Variants in TSPAN18 observed in about 807,000 individuals in gnomAD.
TSPAN18 encodes tetraspanin 18.
TSPAN18 carries 14 observed loss-of-function variants against 27.3 expected under a neutral mutation model. That is an observed-to-expected ratio of 0.51 (90% CI 0.34 to 0.80). The LOEUF (loss-of-function observed/expected upper bound fraction) is 0.80. TSPAN18 is among the 30% of genes least tolerant of loss of function. The probability of loss-of-function intolerance (pLI) is 0.01; values close to 1 mark genes in which losing one functional copy is unlikely to be tolerated. For missense variants in TSPAN18, 268 were observed against 323.9 expected, an observed-to-expected ratio of 0.83 and a Z score of 1.32; for synonymous variants, 143 against 136.5, an observed-to-expected ratio of 1.05 and a Z score of -0.33.
At chr11:44,740,246 C>G (rs137900971) in intron 1 of TSPAN18, among the ~76,000 whole-genome samples, 1 of 152,270 alleles carries the variant, frequency 6.6e-6, no homozygotes, top group South Asian at 2.1e-4. Flanking sequence ...GCCCTTGGGA[C>G]CCTTTGGGGA....
intron 1 of TSPAN18, among the ~76,000 whole-genome samples, chr11:44,735,011 G>A (rs1291524656): frequency 6.6e-6 from 1 of 152,242 alleles, no homozygotes; most frequent in Admixed American, 6.5e-5. Flanking sequence ...AGCTGGGCAG[G>A]CTGGACACGG....
chr11:44,908,815 G>GAA (rs767467712), intron 4 of TSPAN18, among the ~76,000 whole-genome samples: 1 of 115,184 alleles, frequency 8.7e-6, no homozygotes, highest in African/African-American at 3.5e-5. Context: ...AAGAAAGAAA[G>GAA]AAAGAAAGAA....
At chr11:44,732,851 A>C (rs894554644) in intron 1 of TSPAN18, among the ~76,000 whole-genome samples, 6 of 152,192 alleles carry the variant, frequency 3.9e-5, no homozygotes, top group Admixed American at 3.3e-4. Flanking sequence ...GATGACTCTA[A>C]AATCTCAGTG....
chr11:44,797,612 G>T (rs1475247769), intron 2 of TSPAN18, among the ~76,000 whole-genome samples: 1 of 152,134 alleles, frequency 6.6e-6, no homozygotes, highest in Non-Finnish European at 1.5e-5. Context: ...CGCCTCCTTG[G>T]TGAGACTCAA....
chr11:44,887,265 G>A (rs919336247), intron 3 of TSPAN18, among the ~76,000 whole-genome samples: 3 of 152,176 alleles, frequency 2.0e-5, no homozygotes, highest in Admixed American at 2.0e-4. Flanking sequence ...CTGTAAGATG[G>A]GGGTGGCAAT....
At chr11:44,823,459 G>A (rs970824515) in intron 2 of TSPAN18, among the ~76,000 whole-genome samples, 1 of 151,880 alleles carries the variant, frequency 6.6e-6, no homozygotes, top group African/African-American at 2.4e-5. Flanking sequence ...ACTCACAATG[G>A]TGAGTGCATG....
chr11:44,905,526 G>A (rs928705800), intron 3 of TSPAN18, among the ~76,000 whole-genome samples: 9 of 152,182 alleles, frequency 5.9e-5, no homozygotes, highest in Non-Finnish European at 1.2e-4. Flanking sequence ...CCGTTATGAA[G>A]AAAATGTGAA....
At chr11:44,857,705 G>A (rs917142183) in intron 2 of TSPAN18, among the ~76,000 whole-genome samples, 17 of 152,166 alleles carry the variant, frequency 1.1e-4, no homozygotes, top group African/African-American at 3.9e-4. Flanking sequence ...CCTTGTGACT[G>A]TCCACTCCCA....
At chr11:44,854,979 C>T (rs1478786356) in intron 2 of TSPAN18, among the ~76,000 whole-genome samples, 7 of 152,298 alleles carry the variant, frequency 4.6e-5, no homozygotes, top group East Asian at 1.9e-4. Flanking sequence ...GACTTCCCAA[C>T]GACTCACTCA....
chr11:44,798,570 A>C (rs546516810), intron 2 of TSPAN18, among the ~76,000 whole-genome samples: 2 of 152,070 alleles, frequency 1.3e-5, no homozygotes, highest in Non-Finnish European at 2.9e-5. Context: ...GGGGGCCCCA[A>C]ATTTGGTGTT....
chr11:44,867,459 C>T (rs1056762681), intron 3 of TSPAN18, among the ~76,000 whole-genome samples: 4 of 120,256 alleles, frequency 3.3e-5, no homozygotes, highest in Non-Finnish European at 6.4e-5. Context: ...AGTGGAGTGG[C>T]CCGATCTCGG....
chr11:44,840,136 G>A lies in TSPAN18; in HGVS notation c.-152-20192G>A, dbSNP rs141440684. ...AACTCCTGAGGCCAGGGAACCTTGAGCAATGTTGTTTGAGGGCTCAGTTTG... is the reference window on the plus strand; with the variant it reads ...AACTCCTGAGGCCAGGGAACCTTGAACAATGTTGTTTGAGGGCTCAGTTTG... On this transcript the variant is annotated intron_variant, in intron 2 of 9. Coordinates refer to ENST00000520358, the MANE Select transcript of TSPAN18 (RefSeq NM_130783.5). Among the ~76,000 whole-genome samples the A allele has an allele frequency of 9.6e-4, 146 of 152,362 alleles. 1 individual carries two copies. The East Asian group carries it at 9.8e-3, about 10-fold the overall frequency.
At chr11:44,856,315 C>T (rs1238210019) in intron 2 of TSPAN18, among the ~76,000 whole-genome samples, 2 of 152,152 alleles carry the variant, frequency 1.3e-5, no homozygotes, top group African/African-American at 4.8e-5. Context: ...CCTTGCCTTC[C>T]GTTTCTGTCT....
intron 3 of TSPAN18, among the ~76,000 whole-genome samples, chr11:44,877,049 C>T (rs1321638408): frequency 6.6e-6 from 1 of 152,218 alleles, no homozygotes; most frequent in East Asian, 1.9e-4. Context: ...GGAAAGGAGG[C>T]CCAGAGGGAG....
chr11:44,782,667 A>G (rs1019212204), intron 2 of TSPAN18, among the ~76,000 whole-genome samples: 4 of 152,122 alleles, frequency 2.6e-5, no homozygotes, highest in Admixed American at 6.5e-5. Context: ...ATCCTAGTCA[A>G]TGCTTGCTAT....
At chr11:44,755,497 C>A (rs1468410455) in intron 1 of TSPAN18, among the ~76,000 whole-genome samples, 1 of 151,934 alleles carries the variant, frequency 6.6e-6, no homozygotes, top group Non-Finnish European at 1.5e-5. Flanking sequence ...AGGTTCTCAG[C>A]GCTCAGGTGG....
intron 2 of TSPAN18, among the ~76,000 whole-genome samples, chr11:44,813,676 C>G (rs1478009489): frequency 1.3e-5 from 2 of 152,166 alleles, no homozygotes; most frequent in Admixed American, 1.3e-4. Flanking sequence ...ATTGTACAAC[C>G]ACTATCAATG....
intron 2 of TSPAN18, among the ~76,000 whole-genome samples, chr11:44,843,675 C>G (rs1018506573): frequency 1.8e-4 from 27 of 152,126 alleles, no homozygotes; most frequent in Admixed American, 5.2e-4. Context: ...GCCGGGGGGG[C>G]CAGTTCAGAG....
At chr11:44,880,782 A>G (rs1373488122) in intron 3 of TSPAN18, among the ~76,000 whole-genome samples, 1 of 152,248 alleles carries the variant, frequency 6.6e-6, no homozygotes, top group African/African-American at 2.4e-5. Flanking sequence ...AGCCGCCTCC[A>G]GCCCTGACAT....
Sources: allele counts gnomAD v4.1 joint callset (sites outside exome capture counted in the v4.1 genomes callset), GRCh38; gene constraint gnomAD v4.1.1; transcripts MANE v1.5; gene names NCBI Gene and HGNC (gene_info 2026-07-23, HGNC 2026-07-21).